Variants in SEMA3A observed in about 807,000 individuals in gnomAD.
SEMA3A encodes semaphorin 3A, also known as semaphorin-3A.
In SEMA3A, 29 loss-of-function variants were observed where a neutral mutation model predicts 97.9. The observed-to-expected ratio is 0.30, with a 90% CI of 0.22 to 0.40. The LOEUF (loss-of-function observed/expected upper bound fraction) is 0.40, where lower values mean the gene tolerates loss of function less well. Ranked by LOEUF, SEMA3A falls within the 10% of genes least tolerant of loss-of-function variation. The pLI, the probability that SEMA3A is intolerant of heterozygous loss-of-function variation, is 1.00. For synonymous variants in SEMA3A, 321 were observed against 323.7 expected (o/e 0.99, Z 0.09); for missense variants, 763 against 951.3 (o/e 0.80, Z 2.60).
chr7:84,355,369 A>G (rs1802532703), intron 2 of SEMA3A, among the ~76,000 whole-genome samples: 1 of 151,914 alleles, frequency 6.6e-6, no homozygotes, highest in South Asian at 2.1e-4. Context: ...TTACAATAAT[A>G]CATCTATTAC....
intron 3 of SEMA3A, among the ~76,000 whole-genome samples, chr7:84,275,416 A>G (rs1800270232): frequency 6.6e-6 from 1 of 152,150 alleles, no homozygotes; most frequent in South Asian, 2.1e-4. Context: ...CAAAATTAAT[A>G]TACTTTATTG....
intron 1 of SEMA3A, among the ~76,000 whole-genome samples, chr7:84,443,002 A>G (rs2116344475): frequency 6.6e-6 from 1 of 152,280 alleles, no homozygotes; most frequent in South Asian, 2.1e-4. Context: ...AGGGAAAAAT[A>G]GACAATTATA....
At chr7:84,316,030 A>C (rs542160244) in intron 2 of SEMA3A, among the ~76,000 whole-genome samples, 1 of 148,314 alleles carries the variant, frequency 6.7e-6, no homozygotes, top group East Asian at 2.0e-4. Flanking sequence ...AGTGGTGCAC[A>C]TCTGTAGTCC....
chr7:84,029,974 C>T (rs73376867), intron 6 of SEMA3A, among the ~76,000 whole-genome samples: 7,580 of 151,906 alleles, frequency 0.05, 630 homozygotes, highest in African/African-American at 0.17. Context: ...ACATTGTCAA[C>T]GTAAGACATG....
At position 84,296,119 on chromosome 7, in the gene SEMA3A, T is replaced by C. The variant is rs144099076; in HGVS notation, c.-83+11088A>G. On this transcript the variant is annotated intron_variant, in intron 3 of 3. Coordinates refer to the SEMA3A transcript ENST00000424555. ...AGAAAAATGTAATATATAGAAGACC[T>C]GTCTTAAGAAACAAGTATATTCCCA... is the stretch of plus-strand genomic sequence containing the variant. 4.9e-3 allele frequency among the ~76,000 whole-genome samples: 743 copies of C among 152,222 alleles called. 8 individuals are homozygous for C. The highest frequency in any genetic ancestry group is 0.017 in the African/African-American group (711 of 41,558).
At chr7:84,147,612 T>C (rs979266445) in intron 1 of SEMA3A, among the ~76,000 whole-genome samples, 1 of 152,178 alleles carries the variant, frequency 6.6e-6, no homozygotes, top group Non-Finnish European at 1.5e-5. Context: ...AGAAATTACC[T>C]AAACCCTAGA....
intron 1 of SEMA3A, among the ~76,000 whole-genome samples, chr7:84,171,618 T>A (rs1412523222): frequency 1.3e-5 from 2 of 152,136 alleles, no homozygotes; most frequent in African/African-American, 4.8e-5. Context: ...AAATGTTTTT[T>A]CATATAAGTT....
At chr7:84,451,266 T>A (rs1367270989) in intron 1 of SEMA3A, among the ~76,000 whole-genome samples, 1 of 152,202 alleles carries the variant, frequency 6.6e-6, no homozygotes, top group Non-Finnish European at 1.5e-5. Flanking sequence ...AAAAAAAATG[T>A]GTACACATAA....
intron 2 of SEMA3A, among the ~76,000 whole-genome samples, chr7:84,340,568 C>G (rs1267120844): frequency 1.3e-5 from 2 of 152,032 alleles, no homozygotes; most frequent in Non-Finnish European, 2.9e-5. Context: ...CACCTGAGGT[C>G]AGGAGTTCGA....
At chr7:84,203,266 T>C (rs2116301513) in intron 3 of SEMA3A, among the ~76,000 whole-genome samples, 1 of 152,032 alleles carries the variant, frequency 6.6e-6, no homozygotes, top group South Asian at 2.1e-4. Flanking sequence ...TCTATTATAG[T>C]TCCTATTGCT....
At chr7:84,204,849 T>C (rs983842321) in intron 3 of SEMA3A, among the ~76,000 whole-genome samples, 1 of 152,180 alleles carries the variant, frequency 6.6e-6, no homozygotes, top group African/African-American at 2.4e-5. Flanking sequence ...CCTGCAACTG[T>C]AGGCAGCTGC....
Position 84,419,409 on chromosome 7 carries a change from TAA to T in SEMA3A, c.-245-47511_-245-47510del, listed in dbSNP as rs537525180. On this transcript the variant is annotated intron_variant, in intron 1 of 3. Transcript: ENST00000424555. Reference sequence around the variant, plus strand: ...TTGTATACATAAGGGACAGGAAGGCTAACTGGCTTGCCCAAAAAAGCAGAGCT... The same window carrying T: ...TTGTATACATAAGGGACAGGAAGGCTCTGGCTTGCCCAAAAAAGCAGAGCT... Among the ~76,000 whole-genome samples, 1,364 of 152,046 alleles carry T rather than the reference TAA, an allele frequency of 9.0e-3. 23 individuals are homozygous for T. Among genetic ancestry groups the T allele is most frequent in the African/African-American group, 0.032 (1,318 of 41,474 alleles).
intron 16 of SEMA3A, among the ~76,000 whole-genome samples, chr7:83,962,490 A>G (rs577939184): frequency 6.6e-6 from 1 of 152,322 alleles, no homozygotes; most frequent in African/African-American, 2.4e-5. Flanking sequence ...AAATGTCAAA[A>G]GATAATGGAA....
chr7:84,314,145 A>G (rs1335881428), intron 2 of SEMA3A, among the ~76,000 whole-genome samples: 1 of 152,098 alleles, frequency 6.6e-6, no homozygotes. Context: ...TCTCAAATTC[A>G]TTCTAAAATT....
intron 1 of SEMA3A, among the ~76,000 whole-genome samples, chr7:84,421,413 A>T (rs1804589306): frequency 6.6e-6 from 1 of 152,066 alleles, no homozygotes; most frequent in Admixed American, 6.6e-5. Context: ...CTAGACAATA[A>T]CTTGAAGAGA....
intron 1 of SEMA3A, among the ~76,000 whole-genome samples, chr7:84,387,871 C>T (rs1224721149): frequency 2.0e-5 from 3 of 152,124 alleles, no homozygotes; most frequent in African/African-American, 7.2e-5. Flanking sequence ...GGCATGTTTA[C>T]AATCATTTTA....
At chr7:84,285,927 C>T (rs1451568883) in intron 3 of SEMA3A, among the ~76,000 whole-genome samples, 9 of 142,002 alleles carry the variant, frequency 6.3e-5, no homozygotes, top group East Asian at 2.1e-4. Context: ...GAGACATGAT[C>T]GACTGCACTG....
intron 1 of SEMA3A, among the ~76,000 whole-genome samples, chr7:84,431,564 T>C (rs1424735524): frequency 1.3e-5 from 2 of 151,954 alleles, no homozygotes; most frequent in South Asian, 2.1e-4. Context: ...CTCCTCAGGA[T>C]AATATGAGAA....
intron 3 of SEMA3A, among the ~76,000 whole-genome samples, chr7:84,282,679 A>G (rs1584198849): frequency 6.6e-6 from 1 of 152,204 alleles, no homozygotes; most frequent in African/African-American, 2.4e-5. Flanking sequence ...CACTTTCTCC[A>G]AGAAAACCCC....
Sources: allele counts gnomAD v4.1 joint callset (sites outside exome capture counted in the v4.1 genomes callset), GRCh38; gene constraint gnomAD v4.1.1; transcripts MANE v1.5; gene names NCBI Gene and HGNC (gene_info 2026-07-23, HGNC 2026-07-21).